Variants in MTFR1 observed in about 807,000 individuals in gnomAD.
The protein encoded by MTFR1 is chondrocyte protein with a poly-proline region.
MTFR1 carries 28 observed loss-of-function variants against 38.8 expected under a neutral mutation model. That is an observed-to-expected ratio of 0.72 (90% CI 0.53 to 0.99). The LOEUF is 0.99. Ranked by LOEUF, MTFR1 falls within the 50% of genes least tolerant of loss-of-function variation. The probability of loss-of-function intolerance (pLI) is 0.00; values close to 1 mark genes in which losing one functional copy is unlikely to be tolerated. For synonymous variants in MTFR1, 145 were observed against 137.0 expected (o/e 1.06, Z -0.41); for missense variants, 358 against 395.5 (o/e 0.91, Z 0.81).
At chr8:65,732,481 CAAAGGCTCAGGAGTA>C (rs1187795456) in intron 3 of MTFR1, among the ~76,000 whole-genome samples, 1 of 152,152 alleles carries the variant, frequency 6.6e-6, no homozygotes, top group Non-Finnish European at 1.5e-5. Flanking sequence ...TGATGCTGTG[CAAAGGCTCAGGAGTA>C]AAAGAGATAC....
At chr8:65,691,443 A>G (rs1048120437) in intron 3 of MTFR1, among the ~76,000 whole-genome samples, 3 of 152,058 alleles carry the variant, frequency 2.0e-5, no homozygotes, top group Non-Finnish European at 4.4e-5. Context: ...GCATGCCACC[A>G]TGCCTAGCTA....
chr8:65,675,626 T>G (rs754655173), intron 2 of MTFR1, among the ~76,000 whole-genome samples: 10 of 151,912 alleles, frequency 6.6e-5, no homozygotes, highest in Non-Finnish European at 1.3e-4. Flanking sequence ...AACAAAACCA[T>G]TATAAATACC....
At chr8:65,719,609 A>C in intron 3 of MTFR1, 1 of 691,816 alleles carries the variant, frequency 1.4e-6, no homozygotes, top group Non-Finnish European at 2.5e-6. Context: ...CCCAGATCTT[A>C]TTCTTCAAAA....
chr8:65,676,996 A>G (rs775368590), intron 2 of MTFR1, among the ~76,000 whole-genome samples: 1 of 151,098 alleles, frequency 6.6e-6, no homozygotes, highest in Non-Finnish European at 1.5e-5. Context: ...ACACACACAG[A>G]TTCACTGTTA....
At chr8:65,752,903 C>A (rs1808035061) in intron 3 of MTFR1, among the ~76,000 whole-genome samples, 1 of 152,150 alleles carries the variant, frequency 6.6e-6, no homozygotes, top group Admixed American at 6.5e-5. Context: ...TAAATTCTAT[C>A]TTGTCGCCTT....
intron 3 of MTFR1, among the ~76,000 whole-genome samples, chr8:65,758,884 T>A (rs1808357804): frequency 6.6e-6 from 1 of 152,170 alleles, no homozygotes. Context: ...AGCATCAGTC[T>A]CACTTGCCAG....
chr8:65,773,882 T>C (rs950623635), downstream of MTFR1, among the ~76,000 whole-genome samples: 10 of 152,224 alleles, frequency 6.6e-5, no homozygotes, highest in African/African-American at 2.2e-4. Context: ...TTTACTAAAT[T>C]CAGTGAATGT....
intron 3 of MTFR1, among the ~76,000 whole-genome samples, chr8:65,755,011 T>C (rs1273121997): frequency 1.3e-5 from 2 of 149,194 alleles, no homozygotes; most frequent in African/African-American, 4.9e-5. Context: ...CCTGTTTATT[T>C]TTTTTTTCAC....
intron 2 of MTFR1, among the ~76,000 whole-genome samples, chr8:65,673,511 G>T (rs1160154574): frequency 1.3e-5 from 2 of 151,712 alleles, no homozygotes; most frequent in Non-Finnish European, 2.9e-5. Context: ...CCTGGATGAC[G>T]GGTTGATGGG....
intron 7 of MTFR1, chr8:65,708,326 C>G (rs1051129084): frequency 2.4e-6 from 1 of 412,402 alleles, no homozygotes; most frequent in Admixed American, 3.8e-5. Flanking sequence ...TCCAATGTTA[C>G]ATTTTCTATG....
At chr8:65,669,640 C>T (rs1051764490) in intron 1 of MTFR1, among the ~76,000 whole-genome samples, 1 of 152,082 alleles carries the variant, frequency 6.6e-6, no homozygotes, top group African/African-American at 2.4e-5. Flanking sequence ...CAACCTCCGC[C>T]TCCTGGGTTC....
intron 3 of MTFR1, among the ~76,000 whole-genome samples, chr8:65,684,642 C>T (rs1000059991): frequency 7.2e-5 from 11 of 151,836 alleles, no homozygotes; most frequent in African/African-American, 2.4e-4. Flanking sequence ...GCCTCAGGCT[C>T]CCAAAGTGCT....
downstream of MTFR1, among the ~76,000 whole-genome samples, chr8:65,713,840 T>G (rs909630838): frequency 6.6e-6 from 1 of 151,954 alleles, no homozygotes; most frequent in Non-Finnish European, 1.5e-5. Flanking sequence ...CACACCACTA[T>G]GCCTGGCTAA....
At chr8:65,690,058 CTTG>C (rs892676883) in intron 3 of MTFR1, among the ~76,000 whole-genome samples, 4 of 151,706 alleles carry the variant, frequency 2.6e-5, no homozygotes, top group African/African-American at 7.3e-5. Context: ...TTTGTTGTAT[CTTG>C]TTGTTTTGTT....
intron 3 of MTFR1, among the ~76,000 whole-genome samples, chr8:65,742,360 T>C (rs1196168236): frequency 6.6e-6 from 1 of 152,170 alleles, no homozygotes; most frequent in African/African-American, 2.4e-5. Context: ...GCTTTTGCTA[T>C]GTCGCATCAC....
At chr8:65,668,681 CTT>C (rs780326797) in intron 1 of MTFR1, among the ~76,000 whole-genome samples, 3 of 150,616 alleles carry the variant, frequency 2.0e-5, no homozygotes, top group Non-Finnish European at 4.4e-5. Flanking sequence ...GCCCAGCTAA[CTT>C]TTGTATTTTT....
rs771098532 is a variant in MTFR1, at chr8:65,704,646, C to T, written c.282-48C>T. 33 of 1,503,562 alleles carry T rather than the reference C, an allele frequency of 2.2e-5. No individual in the cohort carries two copies. In the Admixed American group the frequency reaches 3.2e-4, roughly 15 times the overall value. The allele number at this position is 1,503,562 out of a possible 1,614,324, so 93.1% of individuals were successfully genotyped here. A position where few individuals can be genotyped will look rare whatever the true frequency, so the allele number is the denominator to read the frequency against. ...ACTGTCAGGTGAGGATGGTGTTTCACGTTCTCTTACAAAGCCTGTGACAGC... is the reference window on the plus strand; with the variant it reads ...ACTGTCAGGTGAGGATGGTGTTTCATGTTCTCTTACAAAGCCTGTGACAGC... On this transcript the variant is annotated intron_variant, in intron 4 of 7. Coordinates refer to ENST00000262146, the MANE Select transcript of MTFR1 (RefSeq NM_014637.4).
intron 3 of MTFR1, among the ~76,000 whole-genome samples, chr8:65,748,766 G>A (rs1390971255): frequency 6.6e-6 from 1 of 152,050 alleles, no homozygotes; most frequent in African/African-American, 2.4e-5. Flanking sequence ...TGTGTATAAT[G>A]GCAATAATAT....
intron 3 of MTFR1, among the ~76,000 whole-genome samples, chr8:65,751,743 C>T (rs1166425315): frequency 1.3e-5 from 2 of 152,184 alleles, no homozygotes; most frequent in Non-Finnish European, 2.9e-5. Context: ...CTGCCTGCCG[C>T]GGCCTCCCAA....
Sources: gnomAD v4.1 joint callset for allele counts (sites outside exome capture counted in the v4.1 genomes callset) on GRCh38, gnomAD v4.1.1 for gene constraint, MANE v1.5 for transcripts, NCBI Gene and HGNC (gene_info 2026-07-23, HGNC 2026-07-21) for gene names.